The following TCFL5 variants were observed in gnomAD, a reference collection of about 807,000 sequenced individuals.
The protein encoded by TCFL5 is transcription factor like 5.
A neutral mutation model predicts 44.3 loss-of-function variants in TCFL5; 9 were observed. The ratio of observed to expected loss-of-function variants is 0.20; its 90% CI spans 0.12 to 0.35. The LOEUF (loss-of-function observed/expected upper bound fraction) is 0.35, where lower values mean the gene tolerates loss of function less well. Ranked by LOEUF, TCFL5 falls within the 10% of genes least tolerant of loss-of-function variation. The probability of loss-of-function intolerance (pLI) is 1.00; values close to 1 mark genes in which losing one functional copy is unlikely to be tolerated. For synonymous variants in TCFL5, 319 were observed against 271.6 expected (o/e 1.17, Z -1.72); for missense variants, 603 against 613.4 (o/e 0.98, Z 0.18).
chr20:62,844,473 C>T (rs2063714269), intron 5 of TCFL5, among the ~76,000 whole-genome samples: 1 of 152,070 alleles, frequency 6.6e-6, no homozygotes, highest in African/African-American at 2.4e-5. Context: ...TGCAGTGGCA[C>T]ATCCACGGCT....
Position 62,841,893 on chromosome 20 carries a change from GC to G in TCFL5, c.*81del. On this transcript the variant is annotated 3_prime_UTR_variant, in exon 6 of 6. Coordinates refer to ENST00000335351, the MANE Select transcript of TCFL5 (RefSeq NM_006602.4). Reference sequence around the variant, plus strand: ...GCCCTTTTCGAGTCAGACTAGCCGAGCAGAGCTCCAGGGTTGCAGAAGGCGT... The same window carrying G: ...GCCCTTTTCGAGTCAGACTAGCCGAGAGAGCTCCAGGGTTGCAGAAGGCGT... The G allele has an allele frequency of 6.4e-7, 1 of 1,564,514 alleles. No individual in the cohort carries two copies. Among genetic ancestry groups the G allele is most frequent in the Non-Finnish European group, 8.7e-7 (1 of 1,153,254 alleles).
chr20:62,859,251 T>C (rs2063946730), intron 3 of TCFL5, 113 bp downstream of exon 3: 2 of 1,030,016 alleles, frequency 1.9e-6, no homozygotes, highest in Admixed American at 2.4e-5. Flanking sequence ...CCTCCAAGAC[T>C]GTTTCACATG....
chr20:62,859,232 A>T, intron 3 of TCFL5, 132 bp downstream of exon 3: 1 of 815,354 alleles, frequency 1.2e-6, no homozygotes, highest in Non-Finnish European at 1.9e-6. Context: ...CCCCTGAGAT[A>T]CACAGACACC....
chr20:62,852,966 G>C, intron 5 of TCFL5: 5 of 1,289,036 alleles, frequency 3.9e-6, no homozygotes, highest in Non-Finnish European at 5.1e-6. Context: ...GTCCGCAGAA[G>C]CATGGTCACC....
At chr20:62,851,844 C>A in intron 5 of TCFL5, 1 of 984,448 alleles carries the variant, frequency 1.0e-6, no homozygotes, top group Non-Finnish European at 1.2e-6. Flanking sequence ...GAGTCTCGCT[C>A]TGTCACCCAG....
Position 62,842,533 on chromosome 20 carries a change from G to T in TCFL5, c.1381-436C>A, listed in dbSNP as rs2147240169. On this transcript the variant is annotated intron_variant, in intron 5 of 5. Transcript: ENST00000335351. The surrounding 1 kb of genome is among the most constrained non-coding windows in gnomAD (Gnocchi z 4.3). ...TCCCAGCACTTTGGGAGGCCGAGGTGGGTGGATCACCTGACGTCAGGAGTT... is the reference window on the plus strand; with the variant it reads ...TCCCAGCACTTTGGGAGGCCGAGGTTGGTGGATCACCTGACGTCAGGAGTT... Among the ~76,000 whole-genome samples the T allele has an allele frequency of 6.6e-6, 1 of 152,324 alleles. No individual in the cohort carries two copies. Among genetic ancestry groups the T allele is most frequent in the Middle Eastern group, 3.4e-3 (1 of 294 alleles).
Position 62,841,043 on chromosome 20 carries a change from T to G in TCFL5, c.*932A>C. The stretch of plus-strand genomic sequence containing the variant: ...ATTCAGTAACTTGTTTACATAGCAT[T>G]TGTGTAAAGACTATGATCTCATCCC... On this transcript the variant is annotated 3_prime_UTR_variant, in exon 6 of 6. Coordinates refer to ENST00000335351, the MANE Select transcript of TCFL5 (RefSeq NM_006602.4). 1 of 361,602 alleles carries G rather than the reference T, an allele frequency of 2.8e-6. No individual in the cohort carries two copies. The highest frequency in any genetic ancestry group is 2.1e-5 in the African/African-American group (1 of 47,450). The allele number at this position is 361,602 out of a possible 1,614,324, so 22.4% of individuals were successfully genotyped here.
intron 4 of TCFL5, among the ~76,000 whole-genome samples, chr20:62,855,975 G>A (rs1379696629): frequency 1.3e-5 from 2 of 151,986 alleles, no homozygotes; most frequent in African/African-American, 4.8e-5. Flanking sequence ...TATAGGCCGG[G>A]TGTGGTGGCT....
rs544395712 is a variant in TCFL5 at position 62,842,395 on chromosome 20, G to T, written c.1381-298C>A. Among the ~76,000 whole-genome samples, 3 of 152,126 alleles carry T rather than the reference G, an allele frequency of 2.0e-5. No homozygotes were observed. The South Asian group carries it at 6.2e-4, about 32-fold the overall frequency. On this transcript the variant is annotated intron_variant, in intron 5 of 5. Transcript: ENST00000335351. The surrounding 1 kb of genome is among the most constrained non-coding windows in gnomAD (Gnocchi z 4.3). The stretch of plus-strand genomic sequence containing the variant: ...GTGGTAAAATATACATGACATGAAC[G>T]TTTCAACCGCTAATGGGCCCTAGCT...
At chr20:62,855,772 AT>A (rs2063878945) in intron 4 of TCFL5, among the ~76,000 whole-genome samples, 1 of 152,138 alleles carries the variant, frequency 6.6e-6, no homozygotes, top group African/African-American at 2.4e-5. Flanking sequence ...ATCTCACCAA[AT>A]AAAAAAATAA....
intron 5 of TCFL5, chr20:62,846,097 T>C (rs200380304): frequency 4.3e-5 from 57 of 1,315,144 alleles, no homozygotes; most frequent in Non-Finnish European, 4.8e-5. Flanking sequence ...ACATGACGTA[T>C]CTGGAGTTTG....
At chr20:62,859,727 G>GTT (rs918553945) in intron 2 of TCFL5, among the ~76,000 whole-genome samples, 46 of 136,596 alleles carry the variant, frequency 3.4e-4, no homozygotes, top group African/African-American at 1.2e-3. Context: ...TTGTTTTTTT[G>GTT]TTTTTTTTTT....
At chr20:62,845,840 T>C (rs758562967) in intron 5 of TCFL5, 1 of 1,594,166 alleles carries the variant, frequency 6.3e-7, no homozygotes, top group South Asian at 1.1e-5. Flanking sequence ...AAGTGATTTA[T>C]GACAAAGATC....
At chr20:62,844,103 C>G (rs572270402) in intron 5 of TCFL5, among the ~76,000 whole-genome samples, 11 of 152,290 alleles carry the variant, frequency 7.2e-5, no homozygotes, top group African/African-American at 2.2e-4. Context: ...GGGGTTTATG[C>G]TTCTCTGGTG....
intron 5 of TCFL5, among the ~76,000 whole-genome samples, chr20:62,850,483 C>A (rs910547019): frequency 2.6e-5 from 4 of 152,198 alleles, no homozygotes; most frequent in Admixed American, 6.5e-5. Context: ...TCACAACCCC[C>A]AACTGGTACC....
chr20:62,845,380 C>T (rs2063728160), intron 5 of TCFL5: 1 of 1,174,196 alleles, frequency 8.5e-7, no homozygotes, highest in South Asian at 1.8e-5. Context: ...ACCTCAGCTT[C>T]CCAAAGTGCT....
chr20:62,844,565 TTTTTTGTTTG>T (rs2063716100), intron 5 of TCFL5, among the ~76,000 whole-genome samples: 1 of 146,688 alleles, frequency 6.8e-6, no homozygotes, highest in Admixed American at 6.7e-5. Context: ...TTTTCTGTTT[TTTTTTGTTTG>T]TTTTTTGTTT....
intron 2 of TCFL5, among the ~76,000 whole-genome samples, 179 bp from the exon 3 acceptor site, chr20:62,859,705 A>AT (rs1352378535): frequency 1.3e-5 from 2 of 151,426 alleles, no homozygotes; most frequent in Non-Finnish European, 2.9e-5. Flanking sequence ...TTTCACAGGT[A>AT]TTTTTTTGTT....
Position 62,861,115 on chromosome 20 carries a change from G to A in TCFL5, c.556C>T (p.Arg186Cys). The A allele has an allele frequency of 8.0e-6, 8 of 998,842 alleles. No homozygotes were observed. Among genetic ancestry groups the A allele is most frequent in the Non-Finnish European group, 9.5e-6 (8 of 840,754 alleles). The allele number at this position is 998,842 out of a possible 1,614,324, so 61.9% of individuals were successfully genotyped here. Residue 186 changes from arginine to cysteine, a missense_variant, in exon 1 of 6, where the codon CGC becomes TGC. Transcript: ENST00000335351. This position sits in a 1 kb window ranked among gnomAD's most constrained non-coding sequence, Gnocchi z 4.0. Reference protein sequence around the residue: ...EARAKPAVRVRLEDRFNSIPA... With the variant: ...EARAKPAVRVCLEDRFNSIPA... ...ATGCTGTTGAAGCGGTCCTCCAGGCGGACGCGCACGGCCGGCTTGGCCCGG... is the reference window on the plus strand; with the variant it reads ...ATGCTGTTGAAGCGGTCCTCCAGGCAGACGCGCACGGCCGGCTTGGCCCGG...
Sources: allele counts gnomAD v4.1 joint callset (sites outside exome capture counted in the v4.1 genomes callset), GRCh38; gene constraint gnomAD v4.1.1; non-coding constraint Gnocchi (gnomAD v3.1); transcripts MANE v1.5; gene names NCBI Gene and HGNC (gene_info 2026-07-23, HGNC 2026-07-21).